The following PHLDB2 variants were observed in gnomAD, a reference collection of about 807,000 sequenced individuals.
PHLDB2 encodes the protein pleckstrin homology-like domain family B member 2.
PHLDB2 carries 71 observed loss-of-function variants against 123.6 expected under a neutral mutation model. The observed-to-expected ratio is 0.57, with a 90% CI of 0.47 to 0.70. The LOEUF is 0.70. Among genes scored for constraint, PHLDB2 ranks in the 30% least tolerant of loss-of-function variants. The probability of loss-of-function intolerance (pLI) is 0.00; values close to 1 mark genes in which losing one functional copy is unlikely to be tolerated. For missense variants in PHLDB2, 1,446 were observed against 1,519.5 expected (o/e 0.95, Z 0.80); for synonymous variants, 547 against 541.6 (o/e 1.01, Z -0.14).
At chr3:111,769,912 A>G (rs987418173) in intron 1 of PHLDB2, among the ~76,000 whole-genome samples, 9 of 152,252 alleles carry the variant, frequency 5.9e-5, no homozygotes, top group African/African-American at 1.9e-4. Flanking sequence ...AGTGATTTCC[A>G]TAAGTATCTT....
intron 1 of PHLDB2, among the ~76,000 whole-genome samples, chr3:111,736,257 G>C (rs772159953): frequency 3.5e-4 from 53 of 152,284 alleles, no homozygotes; most frequent in Non-Finnish European, 5.7e-4. Context: ...TTGTTTGTTT[G>C]AGTGATTGAC....
intron 1 of PHLDB2, among the ~76,000 whole-genome samples, chr3:111,758,792 T>C (rs1418395305): frequency 6.6e-6 from 1 of 152,170 alleles, no homozygotes; most frequent in Non-Finnish European, 1.5e-5. Context: ...GCTGTTAATA[T>C]AGCTTGAAGA....
chr3:111,929,520 C>T (rs769185675), intron 5 of PHLDB2, among the ~76,000 whole-genome samples: 9 of 152,196 alleles, frequency 5.9e-5, no homozygotes, highest in Non-Finnish European at 1.2e-4. Context: ...ACTTTCAGCT[C>T]TAATTAACTG....
At chr3:111,846,621 T>C (rs1418322363) in intron 2 of PHLDB2, among the ~76,000 whole-genome samples, 1 of 152,162 alleles carries the variant, frequency 6.6e-6, no homozygotes, top group East Asian at 1.9e-4. Context: ...CCAAACTAGA[T>C]TTAATTTTTC....
intron 14 of PHLDB2, 92 bp downstream of exon 14, chr3:111,966,795 G>A (rs779648311): frequency 2.9e-5 from 26 of 886,882 alleles, no homozygotes; most frequent in Admixed American, 1.2e-4. Context: ...TTAAGGAGCC[G>A]TGTGTTCCTG....
intron 1 of PHLDB2, among the ~76,000 whole-genome samples, chr3:111,865,558 G>A (rs2065027434): frequency 6.6e-6 from 1 of 152,136 alleles, no homozygotes; most frequent in Admixed American, 6.5e-5. Context: ...CTCTCACCAT[G>A]TTGAGTATGG....
chr3:111,950,784 A>G (rs6804475), intron 10 of PHLDB2, among the ~76,000 whole-genome samples: 94,337 of 152,008 alleles, frequency 0.62, 31,735 homozygotes, highest in East Asian at 0.9. Flanking sequence ...AAAGGACTAT[A>G]TCTCTCACTG....
At chr3:111,903,555 G>A (rs1012985672) in intron 2 of PHLDB2, among the ~76,000 whole-genome samples, 2 of 152,090 alleles carry the variant, frequency 1.3e-5, no homozygotes, top group African/African-American at 2.4e-5. Context: ...GCATAACAAC[G>A]TATTTTTCCT....
At chr3:111,759,552 CGT>C (rs1339868859) in intron 1 of PHLDB2, among the ~76,000 whole-genome samples, 1 of 151,992 alleles carries the variant, frequency 6.6e-6, no homozygotes, top group African/African-American at 2.4e-5. Flanking sequence ...ATGTATATCC[CGT>C]GTGTGTGTAT....
At chr3:111,974,050 C>A (rs372309333) in intron 17 of PHLDB2, among the ~76,000 whole-genome samples, 1 of 152,044 alleles carries the variant, frequency 6.6e-6, no homozygotes, top group East Asian at 1.9e-4. Flanking sequence ...GGAAACCCTG[C>A]GAAACGACTC....
intron 8 of PHLDB2, among the ~76,000 whole-genome samples, chr3:111,941,027 T>C (rs1203213290): frequency 2.0e-5 from 3 of 152,202 alleles, no homozygotes; most frequent in Non-Finnish European, 4.4e-5. Flanking sequence ...CTGTCAAATA[T>C]TTTGGCCCAG....
At chr3:111,891,687 T>A (rs991334971) in intron 2 of PHLDB2, among the ~76,000 whole-genome samples, 1 of 152,074 alleles carries the variant, frequency 6.6e-6, no homozygotes, top group Non-Finnish European at 1.5e-5. Flanking sequence ...ATGAGACCAA[T>A]CCTGTTGCCA....
chr3:111,773,845 C>G (rs1263190688), intron 1 of PHLDB2, among the ~76,000 whole-genome samples: 2 of 152,170 alleles, frequency 1.3e-5, no homozygotes, highest in South Asian at 4.1e-4. Flanking sequence ...TATCTCAAAA[C>G]ATTAGTTTCT....
At chr3:111,793,050 C>T (rs966986065) in intron 1 of PHLDB2, among the ~76,000 whole-genome samples, 1 of 152,172 alleles carries the variant, frequency 6.6e-6, no homozygotes, top group Non-Finnish European at 1.5e-5. Flanking sequence ...AGGATGTTCC[C>T]TCAAAGCCCA....
At position 111,879,759 on chromosome 3, in the gene PHLDB2, G is replaced by A. The variant is rs371075107; in HGVS notation, c.-14-4305G>A. ...GTGCCTGTATCATAGAAGGGTCCAC[G>A]TTGTAAAAGAAGGCAAAAGCAGTCT... On this transcript the variant is annotated intron_variant, in intron 1 of 17. Coordinates refer to ENST00000431670, the MANE Select transcript of PHLDB2 (RefSeq NM_001134438.2). Among the ~76,000 whole-genome samples the A allele has an allele frequency of 5.3e-5, 8 of 152,236 alleles. No homozygotes were observed. In the South Asian group the frequency reaches 1.7e-3, roughly 32 times the overall value.
intron 12 of PHLDB2, chr3:111,957,317 GT>G (rs2071120825): frequency 2.0e-5 from 3 of 152,636 alleles, no homozygotes; most frequent in Non-Finnish European, 4.4e-5. Context: ...GTCAAGTCAT[GT>G]TTAAGAAATG....
intron 1 of PHLDB2, among the ~76,000 whole-genome samples, chr3:111,762,397 C>T (rs918050495): frequency 6.6e-6 from 1 of 152,122 alleles, no homozygotes; most frequent in Non-Finnish European, 1.5e-5. Context: ...AATGTTTTGA[C>T]ACTGTCAATA....
chr3:111,936,292 G>A (rs935548412), intron 6 of PHLDB2, among the ~76,000 whole-genome samples: 2 of 152,156 alleles, frequency 1.3e-5, no homozygotes, highest in African/African-American at 2.4e-5. Flanking sequence ...GATATGTAAT[G>A]CTCTTTTAGT....
At chr3:111,755,628 G>T (rs1267005134) in intron 1 of PHLDB2, among the ~76,000 whole-genome samples, 4 of 145,794 alleles carry the variant, frequency 2.7e-5, no homozygotes, top group Non-Finnish European at 6.0e-5. Context: ...ATTGTTTGAA[G>T]GGTTTTTTGT....
Sources: gnomAD v4.1 joint callset for allele counts (sites outside exome capture counted in the v4.1 genomes callset) on GRCh38, gnomAD v4.1.1 for gene constraint, MANE v1.5 for transcripts, NCBI Gene and HGNC (gene_info 2026-07-23, HGNC 2026-07-21) for gene names.